The following LYZL4 variants were observed in gnomAD, a reference collection of about 807,000 sequenced individuals.
LYZL4 encodes the protein lysozyme like 4.
Under a neutral mutation model 17.6 loss-of-function variants are expected in LYZL4, and 13 were observed. The observed-to-expected ratio is 0.74, with a 90% CI of 0.48 to 1.18. LYZL4 has a LOEUF of 1.18. LYZL4 is among the 50% of genes most tolerant of loss of function. The probability of loss-of-function intolerance (pLI) is 0.00; values close to 1 mark genes in which losing one functional copy is unlikely to be tolerated. For missense variants in LYZL4, 174 were observed against 188.2 expected (o/e 0.92, Z 0.44); for synonymous variants, 64 against 67.7 (o/e 0.95, Z 0.27).
At chr3:42,379,724 A>G in the LYZL4 span, among the ~76,000 whole-genome samples, 1 of 152,122 alleles carries the variant, frequency 6.6e-6, no homozygotes, top group Non-Finnish European at 1.5e-5. Context: ...ACTCCTCAAA[A>G]AGACAATCAG....
chr3:42,408,658 C>T (rs1364333156), intron 1 of LYZL4, among the ~76,000 whole-genome samples: 1 of 152,178 alleles, frequency 6.6e-6, no homozygotes, highest in South Asian at 2.1e-4. Flanking sequence ...TCCTGGAATA[C>T]CCCATAGCCC....
chr3:42,403,192 A>G (rs1458329056), intron 4 of LYZL4, among the ~76,000 whole-genome samples: 1 of 152,244 alleles, frequency 6.6e-6, no homozygotes, highest in Admixed American at 6.5e-5. Flanking sequence ...GTAATATATA[A>G]CAAACATGGG....
At chr3:42,374,671 C>T in the LYZL4 span, among the ~76,000 whole-genome samples, 1 of 152,186 alleles carries the variant, frequency 6.6e-6, no homozygotes, top group Non-Finnish European at 1.5e-5. Context: ...CCTCAGTCCC[C>T]ACCTGTCCCT....
intron 4 of LYZL4, among the ~76,000 whole-genome samples, chr3:42,399,865 C>T (rs1698624009): frequency 6.6e-6 from 1 of 151,718 alleles, no homozygotes; most frequent in Non-Finnish European, 1.5e-5. Flanking sequence ...GATATAGAAG[C>T]AGGAAAAACA....
chr3:42,399,426 C>T (rs1698614150), intron 4 of LYZL4, among the ~76,000 whole-genome samples: 1 of 152,196 alleles, frequency 6.6e-6, no homozygotes, highest in South Asian at 2.1e-4. Flanking sequence ...ATGGAACGAA[C>T]TAAATTTTCT....
the LYZL4 span, among the ~76,000 whole-genome samples, chr3:42,386,395 G>C: frequency 1.5e-3 from 156 of 107,482 alleles, 2 homozygotes; most frequent in African/African-American, 2.4e-3. Flanking sequence ...GAGCCACCAC[G>C]CCCCCCCCCC....
intron 4 of LYZL4, among the ~76,000 whole-genome samples, chr3:42,399,447 A>G (rs1202146113): frequency 6.6e-6 from 1 of 152,244 alleles, no homozygotes; most frequent in Non-Finnish European, 1.5e-5. Context: ...TCATTAGAGA[A>G]CTGGCAGATA....
the LYZL4 span, among the ~76,000 whole-genome samples, chr3:42,369,758 C>A: frequency 6.6e-6 from 1 of 152,200 alleles, no homozygotes; most frequent in African/African-American, 2.4e-5. Context: ...TCCCCTACCC[C>A]ACAACCCCTG....
the LYZL4 span, among the ~76,000 whole-genome samples, chr3:42,380,205 C>A: frequency 1.3e-5 from 2 of 152,196 alleles, no homozygotes; most frequent in African/African-American, 2.4e-5. Flanking sequence ...GGATTCATCA[C>A]CTATGGCTAG....
At chr3:42,386,993 T>C in the LYZL4 span, among the ~76,000 whole-genome samples, 2 of 152,208 alleles carry the variant, frequency 1.3e-5, no homozygotes, top group Non-Finnish European at 2.9e-5. Context: ...TTTTTTTAAA[T>C]TCGCCTTTAT....
the LYZL4 span, among the ~76,000 whole-genome samples, chr3:42,380,601 G>T: frequency 6.6e-6 from 1 of 152,172 alleles, no homozygotes; most frequent in Admixed American, 6.5e-5. Flanking sequence ...TAGGTCTAGG[G>T]TGGGGCCCGG....
At chr3:42,372,672 C>T in the LYZL4 span, among the ~76,000 whole-genome samples, 7 of 152,200 alleles carry the variant, frequency 4.6e-5, no homozygotes, top group Non-Finnish European at 7.4e-5. Flanking sequence ...CACCAGTGGT[C>T]ATGGCTGCTG....
At chr3:42,395,600 T>G (rs574561568), downstream of LYZL4, among the ~76,000 whole-genome samples, 52 of 152,300 alleles carry the variant, frequency 3.4e-4, 2 homozygotes, top group South Asian at 0.011. Context: ...AAACTTCTGT[T>G]TCCAGTGAGG....
At chr3:42,393,729 A>G (rs1159869164), downstream of LYZL4, among the ~76,000 whole-genome samples, 2 of 152,216 alleles carry the variant, frequency 1.3e-5, no homozygotes, top group Admixed American at 1.3e-4. Flanking sequence ...ATCTCTGGAA[A>G]TATGGATTCA....
chr3:42,396,614 G>A (rs1396573916), downstream of LYZL4, among the ~76,000 whole-genome samples: 4 of 152,194 alleles, frequency 2.6e-5, no homozygotes, highest in Non-Finnish European at 5.9e-5. Flanking sequence ...AGCAGGAAAT[G>A]CAACCAAAAC....
chr3:42,362,442 TG>T, the LYZL4 span, among the ~76,000 whole-genome samples: 1 of 152,130 alleles, frequency 6.6e-6, no homozygotes, highest in Non-Finnish European at 1.5e-5. Context: ...ATAGACTGGG[TG>T]CTTATAAACA....
the LYZL4 span, among the ~76,000 whole-genome samples, chr3:42,388,228 C>T: frequency 1.1e-4 from 17 of 152,334 alleles, no homozygotes; most frequent in African/African-American, 4.1e-4. Context: ...TAGCTATGCG[C>T]ACTCTTGTCA....
At chr3:42,363,038 AG>A in the LYZL4 span, among the ~76,000 whole-genome samples, 1 of 152,216 alleles carries the variant, frequency 6.6e-6, no homozygotes, top group African/African-American at 2.4e-5. Flanking sequence ...AAAGAAACCC[AG>A]GGAGGTAGAA....
chr3:42,370,241 C>T, the LYZL4 span, among the ~76,000 whole-genome samples: 6 of 152,126 alleles, frequency 3.9e-5, no homozygotes, highest in Non-Finnish European at 1.5e-5. Context: ...TTAGTAGTTA[C>T]AGCATTTTCC....
Sources: allele counts gnomAD v4.1 joint callset (sites outside exome capture counted in the v4.1 genomes callset), GRCh38; gene constraint gnomAD v4.1.1; transcripts MANE v1.5; gene names NCBI Gene and HGNC (gene_info 2026-07-23, HGNC 2026-07-21).